The following AGPAT3 variants were observed in gnomAD, a reference collection of about 807,000 sequenced individuals.
The protein encoded by AGPAT3 is 1-acylglycerol-3-phosphate O-acyltransferase 3.
AGPAT3 carries 5 observed loss-of-function variants against 47.3 expected under a neutral mutation model. The ratio of observed to expected loss-of-function variants is 0.11; its 90% CI spans 0.06 to 0.22. The LOEUF is 0.22. Ranked by LOEUF, AGPAT3 falls within the 10% of genes least tolerant of loss-of-function variation. AGPAT3 has a pLI of 1.00. For synonymous variants in AGPAT3, 212 were observed against 208.3 expected (o/e 1.02, Z -0.15); for missense variants, 315 against 493.0 (o/e 0.64, Z 3.42).
intron 2 of AGPAT3, among the ~76,000 whole-genome samples, chr21:43,941,044 C>T (rs1419849190): frequency 2.6e-5 from 4 of 152,320 alleles, no homozygotes; most frequent in Middle Eastern, 3.4e-3. Context: ...GCACAAGATG[C>T]GTGCCAGCCT....
rs1046362478 is a variant in AGPAT3, at chr21:43,939,255, C to T, written c.-48-20379C>T. Among the ~76,000 whole-genome samples the T allele has an allele frequency of 1.3e-5, 2 of 152,108 alleles. No individual in the cohort carries two copies. Among genetic ancestry groups the T allele is most frequent in the African/African-American group, 4.8e-5 (2 of 41,412 alleles). ...GCGCTCCCTTAGGAACACCCCATCC[C>T]CGTCCCCGTGTGCTGTCGAGGGCCT... On this transcript the variant is annotated intron_variant, in intron 2 of 9. Transcript: ENST00000291572. The surrounding 1 kb of genome is among the most constrained non-coding windows in gnomAD (Gnocchi z 4.4).
At chr21:43,953,854 C>G (rs2088317703) in intron 2 of AGPAT3, among the ~76,000 whole-genome samples, 1 of 152,206 alleles carries the variant, frequency 6.6e-6, no homozygotes, top group South Asian at 2.1e-4. Context: ...TAGAAGCTGG[C>G]TGGTTGCAGT....
chr21:43,931,917 G>A lies in AGPAT3; in HGVS notation c.-48-27717G>A, dbSNP rs1018441281. On this transcript the variant is annotated intron_variant, in intron 2 of 9. Coordinates refer to ENST00000291572, the MANE Select transcript of AGPAT3 (RefSeq NM_020132.5). ...TCCGTTCTGCTTTTTACCTGAAGAGGATCTCGTGTGTGTGTGTGTGTGTGT... is the reference window on the plus strand; with the variant it reads ...TCCGTTCTGCTTTTTACCTGAAGAGAATCTCGTGTGTGTGTGTGTGTGTGT... Among the ~76,000 whole-genome samples, 14 of 137,086 alleles carry A rather than the reference G, an allele frequency of 1.0e-4. 1 individual carries two copies. The highest frequency in any genetic ancestry group is 8.6e-4 in the Admixed American group (11 of 12,830). 89.9% of individuals were successfully genotyped at this position (137,086 alleles called of 152,430 possible).
At chr21:43,916,914 G>A (rs534194468) in intron 2 of AGPAT3, among the ~76,000 whole-genome samples, 1 of 152,296 alleles carries the variant, frequency 6.6e-6, no homozygotes, top group South Asian at 2.1e-4. Flanking sequence ...GGAAGTTGGA[G>A]TCTTGTTTGT....
At chr21:43,962,370 T>G (rs2088916841) in intron 3 of AGPAT3, among the ~76,000 whole-genome samples, 1 of 152,170 alleles carries the variant, frequency 6.6e-6, no homozygotes, top group Admixed American at 6.5e-5. Flanking sequence ...GGAAATCCTA[T>G]AATATAAAAT....
chr21:43,883,846 G>A (rs1184404334), intron 1 of AGPAT3, among the ~76,000 whole-genome samples: 1 of 152,188 alleles, frequency 6.6e-6, no homozygotes, highest in East Asian at 1.9e-4. Context: ...CACCTGCCTT[G>A]GCCTCCCAAA....
Position 43,981,747 on chromosome 21 carries a change from G to A in AGPAT3, c.1043-557G>A, listed in dbSNP as rs997833453. On this transcript the variant is annotated intron_variant, in intron 9 of 9. Transcript: ENST00000291572. This position sits in a 1 kb window ranked among gnomAD's most constrained non-coding sequence, Gnocchi z 5.3. Reference sequence around the variant, plus strand: ...GTCTCTGTCCGTGGAGACACAGTCCGTGTGCATCGCCCCGTGAGCCGACTC... The same window carrying A: ...GTCTCTGTCCGTGGAGACACAGTCCATGTGCATCGCCCCGTGAGCCGACTC... 6.6e-6 allele frequency among the ~76,000 whole-genome samples: 1 copy of A among 151,930 alleles called. No individual in the cohort carries two copies. Among genetic ancestry groups the A allele is most frequent in the African/African-American group, 2.4e-5 (1 of 41,350 alleles).
At chr21:43,975,960 G>A (rs562429459) in intron 7 of AGPAT3, among the ~76,000 whole-genome samples, 1 of 151,234 alleles carries the variant, frequency 6.6e-6, no homozygotes, top group Admixed American at 6.6e-5. Flanking sequence ...ACTTGTGGGA[G>A]GCAGGGATGT....
chr21:43,965,603 G>GGT (rs1555911020), intron 3 of AGPAT3: 1 of 142,844 alleles, frequency 7.0e-6, no homozygotes, highest in African/African-American at 2.8e-5. Context: ...GTGAATTTTA[G>GGT]GTTTTTTTTG....
chr21:43,921,665 C>G (rs1006875792), intron 2 of AGPAT3, among the ~76,000 whole-genome samples: 1 of 152,168 alleles, frequency 6.6e-6, no homozygotes, highest in Non-Finnish European at 1.5e-5. Flanking sequence ...GATGAGCAGC[C>G]CTGGAGCGCT....
chr21:43,935,531 C>T (rs112632602), intron 2 of AGPAT3, among the ~76,000 whole-genome samples: 4,141 of 152,340 alleles, frequency 0.027, 165 homozygotes, highest in African/African-American at 0.079. Context: ...GCCTGCAGGG[C>T]GGCCTCTGCA....
Position 43,929,092 on chromosome 21 carries a change from C to T in AGPAT3, c.-49+25073C>T, listed in dbSNP as rs142038970. Reference sequence around the variant, plus strand: ...ATTTCACTGTGAGGTGCCTGAGTGGCGGGGCCCCGATAGCCAGTCCCCTGT... The same window carrying T: ...ATTTCACTGTGAGGTGCCTGAGTGGTGGGGCCCCGATAGCCAGTCCCCTGT... On this transcript the variant is annotated intron_variant, in intron 2 of 9. Transcript: ENST00000291572. 3.4e-3 allele frequency among the ~76,000 whole-genome samples: 518 copies of T among 152,332 alleles called. 1 individual carries two copies. Among genetic ancestry groups the T allele is most frequent in the African/African-American group, 0.011 (445 of 41,562 alleles).
intron 1 of AGPAT3, among the ~76,000 whole-genome samples, chr21:43,878,827 A>T: frequency 6.8e-6 from 1 of 146,502 alleles, no homozygotes. Flanking sequence ...TGCAACCTCC[A>T]CCTCCCGGGT....
At chr21:43,926,549 G>C (rs531511078) in intron 2 of AGPAT3, among the ~76,000 whole-genome samples, 1 of 151,680 alleles carries the variant, frequency 6.6e-6, no homozygotes, top group African/African-American at 2.4e-5. Context: ...CAGCCCCCAC[G>C]GCGCGTTCCT....
chr21:43,874,001 C>CT (rs1199776969), intron 1 of AGPAT3, among the ~76,000 whole-genome samples: 2 of 152,108 alleles, frequency 1.3e-5, no homozygotes, highest in African/African-American at 4.8e-5. Context: ...TTTCTCTAAG[C>CT]TTAGTTTCTT....
chr21:43,928,793 G>A (rs1055099971), intron 2 of AGPAT3, among the ~76,000 whole-genome samples: 1 of 152,166 alleles, frequency 6.6e-6, no homozygotes, highest in Non-Finnish European at 1.5e-5. Context: ...CGTGTGTTTG[G>A]CTACCTACGG....
chr21:43,985,486 G>A lies in AGPAT3; in HGVS notation c.*3094G>A. The A allele has an allele frequency of 3.1e-6, 1 of 319,228 alleles. No homozygotes were observed. The highest frequency in any genetic ancestry group is 6.1e-6 in the Non-Finnish European group (1 of 163,976). The allele number at this position is 319,228 out of a possible 1,614,324, so 19.8% of individuals were successfully genotyped here. A position where few individuals can be genotyped will look rare whatever the true frequency, so the allele number is the denominator to read the frequency against. On this transcript the variant is annotated 3_prime_UTR_variant, in exon 10 of 10. Coordinates refer to ENST00000291572, the MANE Select transcript of AGPAT3 (RefSeq NM_020132.5). ...CTCCCTTTCGCGCACCGTGGCATGA[G>A]AATCTTTCCTCACGCTGTTCGTTGC... is the stretch of plus-strand genomic sequence containing the variant.
intron 8 of AGPAT3, among the ~76,000 whole-genome samples, chr21:43,979,298 C>CA (rs540542305): frequency 0.1 from 5,936 of 57,398 alleles, 747 homozygotes; most frequent in African/African-American, 0.31. Context: ...GACTCCAACT[C>CA]AAAAAAAAAA....
chr21:43,867,248 G>C (rs1430036722), intron 1 of AGPAT3: 1 of 152,224 alleles, frequency 6.6e-6, no homozygotes, highest in East Asian at 1.9e-4. Context: ...GTCACGGAAC[G>C]GCAGGGCCGC....
Sources: allele counts gnomAD v4.1 joint callset (sites outside exome capture counted in the v4.1 genomes callset), GRCh38; gene constraint gnomAD v4.1.1; non-coding constraint Gnocchi (gnomAD v3.1); transcripts MANE v1.5; gene names NCBI Gene and HGNC (gene_info 2026-07-23, HGNC 2026-07-21).